Variants in SLC29A3 observed in about 807,000 individuals in gnomAD.
SLC29A3 encodes the protein solute carrier family 29 member 3.
In SLC29A3, 18 loss-of-function variants were observed where a neutral mutation model predicts 25.4. The observed-to-expected ratio is 0.71, with a 90% confidence interval of 0.49 to 1.05. The LOEUF (loss-of-function observed/expected upper bound fraction) is 1.05. SLC29A3 is among the 50% of genes least tolerant of loss of function. SLC29A3 has a pLI of 0.00. For missense variants in SLC29A3, 586 were observed against 609.0 expected (o/e 0.96, Z 0.40); for synonymous variants, 258 against 267.1 (o/e 0.97, Z 0.33).
At chr10:71,333,902 G>T (rs958929876) in intron 2 of SLC29A3, among the ~76,000 whole-genome samples, 1 of 152,160 alleles carries the variant, frequency 6.6e-6, no homozygotes, top group African/African-American at 2.4e-5. Flanking sequence ...GCCTATTCTG[G>T]TTACAGCCTG....
chr10:71,377,130 G>C (rs1419923707), intron 4 of SLC29A3, among the ~76,000 whole-genome samples: 1 of 152,206 alleles, frequency 6.6e-6, no homozygotes, highest in Non-Finnish European at 1.5e-5. Flanking sequence ...TAGGCTGAGG[G>C]ATAGGTCCCG....
intron 2 of SLC29A3, among the ~76,000 whole-genome samples, chr10:71,325,199 A>G (rs1489896210): frequency 2.6e-5 from 4 of 152,100 alleles, no homozygotes; most frequent in Non-Finnish European, 5.9e-5. Flanking sequence ...CGCCCTGAGG[A>G]GCTGTCCTCA....
At chr10:71,356,368 A>G (rs1389513412) in intron 5 of SLC29A3, 125 bp downstream of exon 5, 2 of 1,229,536 alleles carry the variant, frequency 1.6e-6, no homozygotes, top group Non-Finnish European at 2.3e-6. Context: ...CAGTTGTTCA[A>G]CAAATAGGCT....
chr10:71,381,122 A>G (rs1328979583), exon 5 of SLC29A3: 4 of 152,212 alleles, frequency 2.6e-5, no homozygotes, highest in Non-Finnish European at 5.9e-5. Context: ...CATAACCACA[A>G]ATACATGTCA....
intron 2 of SLC29A3, among the ~76,000 whole-genome samples, chr10:71,324,809 G>A (rs992576906): frequency 6.6e-6 from 1 of 152,088 alleles, no homozygotes; most frequent in African/African-American, 2.4e-5. Context: ...TCAAAGGTGG[G>A]GGGATGCTGG....
chr10:71,380,738 A>G (rs548475891), exon 5 of SLC29A3: 5 of 152,276 alleles, frequency 3.3e-5, no homozygotes, highest in African/African-American at 7.2e-5. Context: ...GGATGCCCCA[A>G]TGCTTCACCC....
intron 3 of SLC29A3, among the ~76,000 whole-genome samples, chr10:71,374,884 G>A (rs1448028991): frequency 6.6e-6 from 1 of 152,220 alleles, no homozygotes; most frequent in Non-Finnish European, 1.5e-5. Flanking sequence ...TGTGAGTCAA[G>A]CCTCTCCTGC....
At chr10:71,370,861 G>A (rs1357226234) in intron 3 of SLC29A3, among the ~76,000 whole-genome samples, 1 of 152,098 alleles carries the variant, frequency 6.6e-6, no homozygotes, top group African/African-American at 2.4e-5. Context: ...CATTTGTAAA[G>A]ATCAAATCAG....
chr10:71,334,607 A>G (rs1846197337), intron 2 of SLC29A3, among the ~76,000 whole-genome samples: 1 of 152,216 alleles, frequency 6.6e-6, no homozygotes, highest in Non-Finnish European at 1.5e-5. Context: ...GAGCTCAGTA[A>G]ATATTTGCAG....
chr10:71,373,137 T>C (rs898528863), intron 3 of SLC29A3, among the ~76,000 whole-genome samples: 3 of 152,250 alleles, frequency 2.0e-5, no homozygotes, highest in Admixed American at 2.0e-4. Flanking sequence ...TTTCATTTTC[T>C]GAGTCTTTGC....
intron 1 of SLC29A3, 137 bp downstream of exon 1, chr10:71,319,447 T>G (rs1845795661): frequency 1.1e-5 from 5 of 469,022 alleles, no homozygotes; most frequent in Non-Finnish European, 1.9e-5. Flanking sequence ...CCATCCGTGG[T>G]CCCTTCCCCA....
intron 1 of SLC29A3, 114 bp from the exon 2 acceptor site, chr10:71,322,642 G>A: frequency 7.9e-7 from 1 of 1,270,486 alleles, no homozygotes; most frequent in Non-Finnish European, 1.1e-6. Flanking sequence ...TGACTTTACA[G>A]AGCCCAGGGT....
chr10:71,341,279 G>T (rs1468541776), intron 2 of SLC29A3, among the ~76,000 whole-genome samples: 1 of 152,356 alleles, frequency 6.6e-6, no homozygotes, highest in South Asian at 2.1e-4. Flanking sequence ...GGGACCAATG[G>T]CTGTGGACAG....
At chr10:71,344,166 A>C (rs769885222) in intron 2 of SLC29A3, 43 bp from the exon 3 acceptor site, 3 of 1,500,688 alleles carry the variant, frequency 2.0e-6, no homozygotes, top group Admixed American at 1.7e-5. Context: ...GCTCACCTCC[A>C]TCCCTGAGTG....
At chr10:71,371,213 C>T (rs1414761678) in intron 3 of SLC29A3, among the ~76,000 whole-genome samples, 2 of 152,188 alleles carry the variant, frequency 1.3e-5, no homozygotes, top group Non-Finnish European at 2.9e-5. Flanking sequence ...GTTCCTAGCC[C>T]ACTTCCTATG....
chr10:71,330,863 G>T (rs865837722), intron 2 of SLC29A3, among the ~76,000 whole-genome samples: 2 of 145,794 alleles, frequency 1.4e-5, no homozygotes, highest in Middle Eastern at 3.5e-3. Context: ...TCTTTTGTTT[G>T]TTTTTTTTTT....
intron 3 of SLC29A3, among the ~76,000 whole-genome samples, chr10:71,351,295 C>T (rs916100969): frequency 1.3e-5 from 2 of 152,262 alleles, no homozygotes; most frequent in African/African-American, 4.8e-5. Flanking sequence ...CCACACTGCT[C>T]ACCTCTTCAG....
At chr10:71,350,314 CG>C (rs1846718216) in intron 3 of SLC29A3, among the ~76,000 whole-genome samples, 2,627 of 142,578 alleles carry the variant, frequency 0.018, 82 homozygotes, top group African/African-American at 0.064. Context: ...TTCACACCTA[CG>C]TGTGTGTGTG....
intron 2 of SLC29A3, among the ~76,000 whole-genome samples, chr10:71,323,857 G>T (rs1466507644): frequency 6.6e-6 from 1 of 152,196 alleles, no homozygotes; most frequent in African/African-American, 2.4e-5. Flanking sequence ...GAAAGTTCAG[G>T]TGTGTATGAC....
Sources: gnomAD v4.1 joint callset for allele counts (sites outside exome capture counted in the v4.1 genomes callset) on GRCh38, gnomAD v4.1.1 for gene constraint, MANE v1.5 for transcripts, NCBI Gene and HGNC (gene_info 2026-07-23, HGNC 2026-07-21) for gene names.